The following RTL4 variants were observed in gnomAD, a reference collection of about 807,000 sequenced individuals.
RTL4 encodes retrotransposon Gag-like protein 4.
RTL4 carries 4 observed loss-of-function variants against 5.3 expected under a neutral mutation model. The observed-to-expected ratio is 0.75, with a 90% CI of 0.37 to 1.72. The LOEUF (loss-of-function observed/expected upper bound fraction) is 1.72, where lower values mean the gene tolerates loss of function less well. RTL4 is among the 40% of genes most tolerant of loss of function. The pLI is 0.04. For missense variants in RTL4, 260 were observed against 227.1 expected (o/e 1.14, Z -0.93); for synonymous variants, 98 against 87.3 (o/e 1.12, Z -0.68).
chrX:112,261,009 G>A, the RTL4 span, among the ~76,000 whole-genome samples: 2 of 111,517 alleles, frequency 1.8e-5, no homozygotes, highest in Non-Finnish European at 3.8e-5. Context: ...ATTTGGTAAG[G>A]CATCACTACG....
the RTL4 span, among the ~76,000 whole-genome samples, chrX:112,268,506 C>T: frequency 8.9e-6 from 1 of 111,813 alleles, no homozygotes; most frequent in African/African-American, 3.3e-5. Flanking sequence ...CCAGATATCT[C>T]TTACCAAACT....
chrX:112,257,869 C>CTG, the RTL4 span, among the ~76,000 whole-genome samples: 26 of 88,769 alleles, frequency 2.9e-4, no homozygotes, highest in African/African-American at 1.3e-3. Flanking sequence ...TAGCTCAAAA[C>CTG]TGTGTATATA....
chrX:112,402,400 TTGTG>T, the RTL4 span, among the ~76,000 whole-genome samples: 17,333 of 87,186 alleles, frequency 0.2, 1,368 homozygotes, highest in Middle Eastern at 0.33. Flanking sequence ...GGAATTATTA[TTGTG>T]TGTGTGTGTG....
At chrX:112,391,130 G>GAA in the RTL4 span, among the ~76,000 whole-genome samples, 1 of 112,067 alleles carries the variant, frequency 8.9e-6, no homozygotes, top group Middle Eastern at 4.6e-3. Context: ...ATTGCCTTGT[G>GAA]AAATTCTTGT....
the RTL4 span, among the ~76,000 whole-genome samples, chrX:112,445,713 T>G: frequency 6.3e-5 from 7 of 111,871 alleles, no homozygotes; most frequent in Non-Finnish European, 1.1e-4. Context: ...TCAGCTTCAG[T>G]AATTCCAGAA....
the RTL4 span, among the ~76,000 whole-genome samples, chrX:112,408,400 T>G: frequency 2.9e-3 from 316 of 109,028 alleles, 3 homozygotes; most frequent in African/African-American, 9.7e-3. Flanking sequence ...ATAGCTGGAT[T>G]GATCAAGCAG....
chrX:112,273,400 C>A, the RTL4 span, among the ~76,000 whole-genome samples: 2 of 110,082 alleles, frequency 1.8e-5, no homozygotes, highest in African/African-American at 6.6e-5. Context: ...ACTACAGGCG[C>A]CCACCACCAC....
the RTL4 span, among the ~76,000 whole-genome samples, chrX:112,316,649 T>C: frequency 8.9e-6 from 1 of 111,806 alleles, no homozygotes; most frequent in Non-Finnish European, 1.9e-5. Flanking sequence ...TACTAACCGC[T>C]CCCCAACAAA....
At chrX:112,310,697 A>G in the RTL4 span, among the ~76,000 whole-genome samples, 5 of 70,745 alleles carry the variant, frequency 7.1e-5, no homozygotes, top group Middle Eastern at 8.7e-3. Flanking sequence ...TTTATATATT[A>G]TATAAAATAA....
At chrX:112,119,201 T>C in the RTL4 span, among the ~76,000 whole-genome samples, 1 of 110,384 alleles carries the variant, frequency 9.1e-6, no homozygotes, top group Non-Finnish European at 1.9e-5. Context: ...GTGTATAGAC[T>C]ATTCTTTCAA....
the RTL4 span, among the ~76,000 whole-genome samples, chrX:112,437,893 A>G: frequency 9.2e-6 from 1 of 108,434 alleles, no homozygotes; most frequent in Non-Finnish European, 1.9e-5. Context: ...TTTGACATCC[A>G]TATCCATCAG....
chrX:112,249,968 T>C, the RTL4 span, among the ~76,000 whole-genome samples: 1 of 110,211 alleles, frequency 9.1e-6, no homozygotes, highest in African/African-American at 3.3e-5. Context: ...CAAAGACCCA[T>C]GTGGAGGCTT....
chrX:112,102,658 A>C, the RTL4 span, among the ~76,000 whole-genome samples: 1 of 111,960 alleles, frequency 8.9e-6, no homozygotes, highest in Non-Finnish European at 1.9e-5. Context: ...CACAACCTGC[A>C]GAATGGGAGA....
the RTL4 span, among the ~76,000 whole-genome samples, chrX:112,198,247 G>C: frequency 9.1e-6 from 1 of 110,269 alleles, no homozygotes; most frequent in Admixed American, 9.6e-5. Context: ...TACCTGTCTG[G>C]TTTATTATCT....
At chrX:112,127,662 A>G in the RTL4 span, among the ~76,000 whole-genome samples, 1,161 of 112,012 alleles carry the variant, frequency 0.01, 2 homozygotes, top group Non-Finnish European at 0.014. Flanking sequence ...GATTGTATAT[A>G]TAGAAAATCT....
the RTL4 span, among the ~76,000 whole-genome samples, chrX:112,318,943 G>A: frequency 9.0e-6 from 1 of 111,487 alleles, no homozygotes; most frequent in South Asian, 3.7e-4. Context: ...GAGAGGGAGA[G>A]GAAGAGAACA....
the RTL4 span, among the ~76,000 whole-genome samples, chrX:112,412,929 TAGG>T: frequency 0.05 from 5,583 of 111,010 alleles, 131 homozygotes; most frequent in African/African-American, 0.08. Flanking sequence ...ACCCACATAA[TAGG>T]AGAAAATACA....
the RTL4 span, among the ~76,000 whole-genome samples, chrX:112,332,275 G>T: frequency 9.0e-6 from 1 of 110,595 alleles, no homozygotes; most frequent in African/African-American, 3.3e-5. Context: ...ACAGTGTGGC[G>T]ATTCCTCAGG....
At chrX:112,299,454 C>T in the RTL4 span, among the ~76,000 whole-genome samples, 9 of 111,898 alleles carry the variant, frequency 8.0e-5, no homozygotes, top group South Asian at 7.5e-4. Context: ...ATAGTTAAGA[C>T]GACAAATTTT....
Sources: allele counts gnomAD v4.1 joint callset (sites outside exome capture counted in the v4.1 genomes callset), GRCh38; gene constraint gnomAD v4.1.1; transcripts MANE v1.5; gene names NCBI Gene and HGNC (gene_info 2026-07-23, HGNC 2026-07-21).